The following SLC24A2 variants were observed in gnomAD, a reference collection of about 807,000 sequenced individuals.
The protein encoded by SLC24A2 is sodium/potassium/calcium exchanger 2.
SLC24A2 carries 36 observed loss-of-function variants against 62.0 expected under a neutral mutation model. That is an observed-to-expected ratio of 0.58 (90% confidence interval 0.44 to 0.77). SLC24A2 has a LOEUF of 0.77. Among genes scored for constraint, SLC24A2 ranks in the 30% least tolerant of loss-of-function variants. The pLI is 0.00. For synonymous variants in SLC24A2, 358 were observed against 294.0 expected (o/e 1.22, Z -2.23); for missense variants, 846 against 817.9 (o/e 1.03, Z -0.42).
the SLC24A2 span, among the ~76,000 whole-genome samples, chr9:20,239,485 G>T: frequency 1.3e-5 from 2 of 149,340 alleles, no homozygotes; most frequent in African/African-American, 5.0e-5. Context: ...GGGAGAGTTG[G>T]GCCTTGGATA....
the SLC24A2 span, among the ~76,000 whole-genome samples, chr9:20,277,817 C>A: frequency 6.6e-6 from 1 of 152,138 alleles, no homozygotes; most frequent in Admixed American, 6.5e-5. Flanking sequence ...TTCACAATAG[C>A]AAAGACTTGG....
chr9:20,097,967 C>T, the SLC24A2 span, among the ~76,000 whole-genome samples: 6 of 151,772 alleles, frequency 4.0e-5, no homozygotes, highest in Non-Finnish European at 5.9e-5. Context: ...TGGTCTCGAT[C>T]TCCTGACCTC....
intron 7 of SLC24A2, among the ~76,000 whole-genome samples, chr9:19,558,720 A>C (rs1340074660): frequency 6.6e-6 from 1 of 152,226 alleles, no homozygotes; most frequent in Non-Finnish European, 1.5e-5. Context: ...ATGCACAACA[A>C]AAACAGCATC....
At chr9:19,910,200 A>C in the SLC24A2 span, among the ~76,000 whole-genome samples, 2 of 152,006 alleles carry the variant, frequency 1.3e-5, no homozygotes, top group African/African-American at 4.8e-5. Flanking sequence ...TCTCTTCTTA[A>C]ATTAGTGCCA....
chr9:20,302,556 G>C, the SLC24A2 span, among the ~76,000 whole-genome samples: 1 of 152,066 alleles, frequency 6.6e-6, no homozygotes, highest in Non-Finnish European at 1.5e-5. Flanking sequence ...TGAGATCTTT[G>C]GCTTATTTTC....
intron 2 of SLC24A2, among the ~76,000 whole-genome samples, chr9:19,646,954 T>A (rs2118123898): frequency 6.6e-6 from 1 of 152,106 alleles, no homozygotes. Flanking sequence ...TGTAGAAGTC[T>A]GCCAAATTTC....
chr9:19,788,121 G>T (rs192444971), intron 1 of SLC24A2, among the ~76,000 whole-genome samples: 44 of 152,258 alleles, frequency 2.9e-4, no homozygotes, highest in African/African-American at 8.9e-4. Flanking sequence ...TTAAACACAC[G>T]CCACTTAAAT....
intron 2 of SLC24A2, among the ~76,000 whole-genome samples, chr9:19,779,160 A>G (rs1822935345): frequency 6.6e-6 from 1 of 152,226 alleles, no homozygotes; most frequent in Non-Finnish European, 1.5e-5. Context: ...GTAAGATAGT[A>G]CAAGATACGT....
rs540992946 is a variant in SLC24A2 at position 19,682,563 on chromosome 9, G to A, written c.931-60264C>T. 5.9e-5 allele frequency among the ~76,000 whole-genome samples: 9 copies of A among 152,214 alleles called. No homozygotes were observed. In the South Asian group the frequency reaches 1.0e-3, roughly 18 times the overall value. ...GTGGCCATGGTATGCAGAAAACCCT[G>A]AGGAAAGGCCTGTTTCCATGGCAAA... On this transcript the variant is annotated intron_variant, in intron 2 of 10. Coordinates refer to ENST00000341998, the MANE Select transcript of SLC24A2 (RefSeq NM_020344.4).
rs1162752653 is a variant in SLC24A2, at chr9:19,528,153, G to A, written c.1480-15C>T. On this transcript the variant is annotated splice_polypyrimidine_tract_variant and intron_variant, in intron 8 of 10. Transcript: ENST00000341998. ...TTCCTCGATGACTGAAAGACAACCA[G>A]GAAGAGTTGAGAATATCAGTGTTAT... The A allele has an allele frequency of 1.3e-6, 2 of 1,524,738 alleles. No individual in the cohort carries two copies. Among genetic ancestry groups the A allele is most frequent in the East Asian group, 2.3e-5 (1 of 43,104 alleles). 94.5% of individuals were successfully genotyped at this position (1,524,738 alleles called of 1,614,324 possible). A position where few individuals can be genotyped will look rare whatever the true frequency, so the allele number is the denominator to read the frequency against.
chr9:20,217,654 AGC>A, the SLC24A2 span, among the ~76,000 whole-genome samples: 1 of 152,154 alleles, frequency 6.6e-6, no homozygotes, highest in Admixed American at 6.5e-5. Flanking sequence ...GGTTGGTTAA[AGC>A]CTGAAACTGC....
chr9:20,185,246 T>C, the SLC24A2 span, among the ~76,000 whole-genome samples: 1 of 152,136 alleles, frequency 6.6e-6, no homozygotes, highest in Non-Finnish European at 1.5e-5. Flanking sequence ...ACAAAAAGTA[T>C]GGGAGGTAAT....
intron 8 of SLC24A2, among the ~76,000 whole-genome samples, chr9:19,541,186 G>A (rs1834233746): frequency 7.5e-6 from 1 of 134,072 alleles, no homozygotes; most frequent in East Asian, 2.2e-4. Context: ...TTGATCGTCT[G>A]AAGCCTTCTT....
At chr9:20,007,006 G>T in the SLC24A2 span, among the ~76,000 whole-genome samples, 1 of 152,156 alleles carries the variant, frequency 6.6e-6, no homozygotes, top group Non-Finnish European at 1.5e-5. Context: ...ATCACTGTTT[G>T]TGTCAACATC....
Position 19,771,116 on chromosome 9 carries a change from T to G in SLC24A2, c.930+14821A>C, listed in dbSNP as rs1363487060. On this transcript the variant is annotated intron_variant, in intron 2 of 10. Transcript: ENST00000341998. ...ATTCGGTAGTGGCATGTGGCAGAGA[T>G]GCCAATCCAAGGTGATTATGCAATG... Among the ~76,000 whole-genome samples the G allele has an allele frequency of 2.0e-5, 3 of 152,316 alleles. No homozygotes were observed. In the East Asian group the frequency reaches 5.8e-4, roughly 29 times the overall value.
At chr9:19,774,848 A>G (rs1822797903) in intron 2 of SLC24A2, among the ~76,000 whole-genome samples, 1 of 152,224 alleles carries the variant, frequency 6.6e-6, no homozygotes, top group African/African-American at 2.4e-5. Context: ...GAAGGAAATA[A>G]GTTCAGCGAT....
intron 2 of SLC24A2, among the ~76,000 whole-genome samples, chr9:19,779,263 G>A (rs1822938824): frequency 2.0e-5 from 3 of 152,176 alleles, no homozygotes; most frequent in Admixed American, 2.0e-4. Flanking sequence ...GAAGCCTAAT[G>A]AGTCACAAAT....
the SLC24A2 span, among the ~76,000 whole-genome samples, chr9:19,871,565 T>TA: frequency 6.6e-6 from 1 of 152,210 alleles, no homozygotes; most frequent in Non-Finnish European, 1.5e-5. Flanking sequence ...TTCAATTTCA[T>TA]AATATCCATT....
the SLC24A2 span, among the ~76,000 whole-genome samples, chr9:20,016,760 G>C: frequency 1.3e-5 from 2 of 152,008 alleles, no homozygotes; most frequent in Non-Finnish European, 2.9e-5. Context: ...CACAAATGTA[G>C]AAAAAGATAG....
Sources: allele counts gnomAD v4.1 joint callset (sites outside exome capture counted in the v4.1 genomes callset), GRCh38; gene constraint gnomAD v4.1.1; transcripts MANE v1.5; gene names NCBI Gene and HGNC (gene_info 2026-07-23, HGNC 2026-07-21).